Variants in MYOCD observed in about 807,000 individuals in gnomAD.
The protein encoded by MYOCD is myocardin.
A neutral mutation model predicts 96.1 loss-of-function variants in MYOCD; 32 were observed. That is an observed-to-expected ratio of 0.33 (90% confidence interval 0.25 to 0.45). MYOCD has a LOEUF of 0.45. Among genes scored for constraint, MYOCD ranks in the 20% least tolerant of loss-of-function variants. MYOCD has a pLI of 1.00. For synonymous variants in MYOCD, 469 were observed against 469.0 expected, an observed-to-expected ratio of 1.00 and a Z score of 0.00; for missense variants, 1,133 against 1,200.6, an observed-to-expected ratio of 0.94 and a Z score of 0.83.
chr17:12,688,665 T>C (rs1037667684), intron 1 of MYOCD, among the ~76,000 whole-genome samples: 3 of 148,124 alleles, frequency 2.0e-5, no homozygotes, highest in Non-Finnish European at 4.5e-5. Context: ...TCCATCCCCT[T>C]CATTCATTCC....
In MYOCD at chr17:12,763,546, C is replaced by G. The variant is rs140366784; in HGVS notation, c.2863C>G (p.Leu955Val). Reference protein sequence around the residue: ...PPNSTPGFSALTTSSPSIFNI... With the variant: ...PPNSTPGFSAVTTSSPSIFNI... Reference sequence around the variant, plus strand: ...AAATTCCACACCAGGCTTTAGCGCCCTCACCACCAGCAGCCCCAGCATCTT... The same window carrying G: ...AAATTCCACACCAGGCTTTAGCGCCGTCACCACCAGCAGCCCCAGCATCTT... Residue 955 changes from leucine (L) to valine (V), a missense_variant, in exon 14 of 14, where the codon CTC becomes GTC. Leu to Val is a conservative substitution (Grantham distance 32, BLOSUM62 1). Coordinates refer to ENST00000425538, the MANE Select transcript of MYOCD (RefSeq NM_001146312.3). 13 of 1,614,072 alleles carry G rather than the reference C, an allele frequency of 8.1e-6. No homozygotes were observed. Among genetic ancestry groups the G allele is most frequent in the Non-Finnish European group, 1.1e-5 (13 of 1,180,044 alleles).
At chr17:12,702,701 C>A (rs930066407) in intron 1 of MYOCD, among the ~76,000 whole-genome samples, 1 of 151,376 alleles carries the variant, frequency 6.6e-6, no homozygotes, top group Admixed American at 6.6e-5. Context: ...TTAGTTACAC[C>A]CTTTGTGTTT....
At chr17:12,737,328 G>A (rs945370852) in intron 6 of MYOCD, among the ~76,000 whole-genome samples, 2 of 152,148 alleles carry the variant, frequency 1.3e-5, no homozygotes, top group Non-Finnish European at 2.9e-5. Flanking sequence ...CTCACTCTGG[G>A]CCAGGGGCAG....
intron 4 of MYOCD, 73 bp downstream of exon 4, chr17:12,717,494 C>A: frequency 8.1e-7 from 1 of 1,230,332 alleles, no homozygotes; most frequent in Non-Finnish European, 1.2e-6. Context: ...TTACTTGTCT[C>A]TGTACAGTTG....
chr17:12,755,629 C>G (rs1449840979), intron 10 of MYOCD, among the ~76,000 whole-genome samples: 2 of 151,850 alleles, frequency 1.3e-5, no homozygotes, highest in African/African-American at 4.8e-5. Flanking sequence ...GTAATCCCAG[C>G]TTGAGAGGCT....
At chr17:12,677,645 G>A (rs1910159721) in intron 1 of MYOCD, among the ~76,000 whole-genome samples, 1 of 151,420 alleles carries the variant, frequency 6.6e-6, no homozygotes, top group Non-Finnish European at 1.5e-5. Flanking sequence ...CCAGGAGGCT[G>A]AGCTTGCAGT....
At position 12,746,176 on chromosome 17, in the gene MYOCD, G is replaced by A. The variant is rs531442543; in HGVS notation, c.1125+104G>A. The A allele has an allele frequency of 1.9e-5, 24 of 1,262,000 alleles. No individual in the cohort carries two copies. In the South Asian group the frequency reaches 3.2e-4, roughly 17 times the overall value. The allele number at this position is 1,262,000 out of a possible 1,614,324, so 78.2% of individuals were successfully genotyped here. A position where few individuals can be genotyped will look rare whatever the true frequency, so the allele number is the denominator to read the frequency against. The stretch of plus-strand genomic sequence containing the variant: ...ATATCTGGAGTAAGAGAGTGGGAGG[G>A]GAAGAAGACTGTAGGAAACACTGAA... On this transcript the variant is annotated intron_variant, in intron 9 of 13. Transcript: ENST00000425538.
intron 4 of MYOCD, among the ~76,000 whole-genome samples, chr17:12,719,165 ACT>A (rs1249556198): frequency 1.1e-4 from 14 of 122,750 alleles, no homozygotes; most frequent in Non-Finnish European, 1.6e-4. Context: ...ACAGAGGGAG[ACT>A]CTGTCTCAAA....
intron 1 of MYOCD, among the ~76,000 whole-genome samples, chr17:12,677,415 T>TA (rs200884330): frequency 5.9e-5 from 9 of 151,288 alleles, no homozygotes; most frequent in African/African-American, 1.2e-4. Context: ...ACTTAAAAAT[T>TA]AAAAAAAAAC....
chr17:12,739,004 C>T (rs2032427418), intron 6 of MYOCD, among the ~76,000 whole-genome samples, 199 bp from the exon 7 acceptor site: 1 of 151,930 alleles, frequency 6.6e-6, no homozygotes, highest in South Asian at 2.1e-4. Context: ...TATGTGTATA[C>T]ACATGTACAT....
rs1422971061 is a variant in MYOCD at position 12,766,839 on chromosome 17, G to A, written c.*3195G>A. ...TCTGGTAGATTCATACTTATCTAAAGAAGTCAAAAAATTTATTCGTGCAAG... is the reference window on the plus strand; with the variant it reads ...TCTGGTAGATTCATACTTATCTAAAAAAGTCAAAAAATTTATTCGTGCAAG... On this transcript the variant is annotated 3_prime_UTR_variant, in exon 14 of 14. Coordinates refer to ENST00000425538, the MANE Select transcript of MYOCD (RefSeq NM_001146312.3). 2 of 152,076 alleles carry A rather than the reference G, an allele frequency of 1.3e-5. No homozygotes were observed. Among genetic ancestry groups the A allele is most frequent in the Non-Finnish European group, 2.9e-5 (2 of 68,022 alleles). 9.4% of individuals were successfully genotyped at this position (152,076 alleles called of 1,614,324 possible).
intron 2 of MYOCD, among the ~76,000 whole-genome samples, chr17:12,712,983 C>T (rs551996264): frequency 1.3e-5 from 2 of 152,264 alleles, no homozygotes; most frequent in South Asian, 4.2e-4. Flanking sequence ...CTAAAACCCA[C>T]GGTCTCTGAA....
At chr17:12,696,150 ATTTT>A (rs57123018) in intron 1 of MYOCD, among the ~76,000 whole-genome samples, 13,299 of 148,946 alleles carry the variant, frequency 0.089, 602 homozygotes, top group Middle Eastern at 0.16. Flanking sequence ...TCCACCTCCT[ATTTT>A]TTTTTAGTAG....
chr17:12,684,134 T>C (rs953575107), intron 1 of MYOCD, among the ~76,000 whole-genome samples: 1 of 152,216 alleles, frequency 6.6e-6, no homozygotes, highest in African/African-American at 2.4e-5. Flanking sequence ...TTCATGAATT[T>C]ATTATCAAGA....
intron 1 of MYOCD, among the ~76,000 whole-genome samples, chr17:12,685,599 T>C (rs889049652): frequency 7.0e-5 from 5 of 71,100 alleles, no homozygotes; most frequent in South Asian, 5.8e-4. Context: ...AGATTGAGAC[T>C]GGCTTAAAAA....
intron 1 of MYOCD, among the ~76,000 whole-genome samples, chr17:12,673,517 G>C (rs1483938668): frequency 1.3e-5 from 2 of 152,070 alleles, no homozygotes; most frequent in African/African-American, 4.8e-5. Context: ...ATTCCCCCAA[G>C]TGAGTATATA....
intron 7 of MYOCD, 130 bp from the exon 8 acceptor site, chr17:12,744,053 C>G: frequency 1.8e-6 from 2 of 1,089,794 alleles, no homozygotes; most frequent in African/African-American, 1.6e-5. Context: ...GTACATCATG[C>G]CTTTGCTATA....
intron 1 of MYOCD, among the ~76,000 whole-genome samples, chr17:12,701,084 T>C (rs916227744): frequency 6.6e-6 from 1 of 152,250 alleles, no homozygotes; most frequent in South Asian, 2.1e-4. Flanking sequence ...TCATTATCTT[T>C]AATGTCTAGA....
chr17:12,710,781 C>T (rs1240160713), intron 2 of MYOCD, among the ~76,000 whole-genome samples: 1 of 152,188 alleles, frequency 6.6e-6, no homozygotes, highest in Non-Finnish European at 1.5e-5. Context: ...TCCCTTCTTT[C>T]TAACATCTCA....
Sources: allele counts gnomAD v4.1 joint callset (sites outside exome capture counted in the v4.1 genomes callset), GRCh38; gene constraint gnomAD v4.1.1; transcripts MANE v1.5; gene names NCBI Gene and HGNC (gene_info 2026-07-23, HGNC 2026-07-21).